GNB1: variants seen among roughly 807,000 people sequenced by gnomAD.
GNB1 encodes the protein guanine nucleotide-binding protein G(I)/G(S)/G(T) subunit beta-1.
In GNB1, 2 loss-of-function variants were observed where a neutral mutation model predicts 42.9. The ratio of observed to expected loss-of-function variants is 0.05; its 90% CI spans 0.02 to 0.15. The LOEUF is 0.15. Ranked by LOEUF, GNB1 falls within the 10% of genes least tolerant of loss-of-function variation. The pLI, the probability that GNB1 is intolerant of heterozygous loss-of-function variation, is 1.00. For synonymous variants in GNB1, 183 were observed against 174.7 expected, an observed-to-expected ratio of 1.05 and a Z score of -0.38; for missense variants, 193 against 462.2, an observed-to-expected ratio of 0.42 and a Z score of 5.34.
At chr1:1,877,360 C>A (rs1649607059) in intron 1 of GNB1, among the ~76,000 whole-genome samples, 1 of 149,646 alleles carries the variant, frequency 6.7e-6, no homozygotes, top group African/African-American at 2.4e-5. Context: ...GACCCCCAAT[C>A]CGAGGAAAAA....
At chr1:1,807,852 C>T (rs970678695) in intron 5 of GNB1, among the ~76,000 whole-genome samples, 1 of 152,056 alleles carries the variant, frequency 6.6e-6, no homozygotes, top group East Asian at 1.9e-4. Flanking sequence ...GGACTACAGG[C>T]GCCCACCATC....
At chr1:1,810,071 A>C (rs1646754108) in intron 5 of GNB1, among the ~76,000 whole-genome samples, 1 of 151,942 alleles carries the variant, frequency 6.6e-6, no homozygotes, top group Non-Finnish European at 1.5e-5. Flanking sequence ...TGTCTCCACA[A>C]AAAAATATAT....
intron 4 of GNB1, among the ~76,000 whole-genome samples, chr1:1,816,722 C>T (rs1236933952): frequency 6.8e-6 from 1 of 146,516 alleles, no homozygotes; most frequent in Non-Finnish European, 1.5e-5. Context: ...GATCTCTGCT[C>T]ACTGCAACCT....
chr1:1,878,825 T>TAA lies in GNB1; in HGVS notation c.-96+11994_-96+11995insTT, dbSNP rs1172338352. The stretch of plus-strand genomic sequence containing the variant: ...AGCCTCCCCTAGCCCCACACTTCTC[T>TAA]CTCCGACTACTTTCCTACAAGACTC... On this transcript the variant is annotated intron_variant, in intron 1 of 11. Transcript: ENST00000378609. Among the ~76,000 whole-genome samples the TAA allele has an allele frequency of 1.5e-4, 23 of 152,188 alleles. 1 individual carries two copies. The highest frequency in any genetic ancestry group is 1.5e-3 in the Admixed American group (23 of 15,260).
chr1:1,842,213 A>G (rs11260618), intron 1 of GNB1, among the ~76,000 whole-genome samples: 40,506 of 151,976 alleles, frequency 0.27, 5,597 homozygotes, highest in African/African-American at 0.32. Context: ...GGCAGATCAC[A>G]AGGTCAGCAG....
chr1:1,816,581 G>A (rs1032854127), intron 4 of GNB1, among the ~76,000 whole-genome samples: 1 of 150,458 alleles, frequency 6.6e-6, no homozygotes, highest in Non-Finnish European at 1.5e-5. Flanking sequence ...ATCTTCAGTA[G>A]AAGTAGGAAT....
At chr1:1,797,445 C>T (rs572792932) in intron 7 of GNB1, among the ~76,000 whole-genome samples, 87 of 147,060 alleles carry the variant, frequency 5.9e-4, no homozygotes, top group African/African-American at 2.1e-3. Context: ...TCCAAAATTC[C>T]TTTTTTTTTT....
At chr1:1,803,017 G>A (rs1050589145) in intron 7 of GNB1, among the ~76,000 whole-genome samples, 4 of 152,154 alleles carry the variant, frequency 2.6e-5, no homozygotes, top group African/African-American at 7.2e-5. Context: ...TTGTAATCTG[G>A]CCAAAATTAA....
chr1:1,875,369 T>C (rs561473544), intron 1 of GNB1, among the ~76,000 whole-genome samples: 23 of 152,050 alleles, frequency 1.5e-4, no homozygotes, highest in Non-Finnish European at 2.9e-4. Context: ...ACTTTTGTGT[T>C]TTTAGCAGAG....
intron 1 of GNB1, among the ~76,000 whole-genome samples, chr1:1,872,234 T>A (rs944221252): frequency 1.6e-4 from 25 of 152,266 alleles, no homozygotes; most frequent in Admixed American, 1.2e-3. Flanking sequence ...TGTCTCAACC[T>A]CCCAAACTGT....
intron 5 of GNB1, among the ~76,000 whole-genome samples, chr1:1,814,811 A>G (rs1570657967): frequency 6.9e-6 from 1 of 144,260 alleles, no homozygotes; most frequent in African/African-American, 2.5e-5. Context: ...AAAAAAAAAA[A>G]AAAAAAAAAG....
At chr1:1,812,021 G>A (rs1490877931) in intron 5 of GNB1, among the ~76,000 whole-genome samples, 2 of 151,572 alleles carry the variant, frequency 1.3e-5, no homozygotes, top group African/African-American at 2.4e-5. Context: ...AGCCGAGATC[G>A]CACCACTGCA....
chr1:1,876,012 A>G (rs1321015548), intron 1 of GNB1, among the ~76,000 whole-genome samples: 1 of 152,142 alleles, frequency 6.6e-6, no homozygotes, highest in East Asian at 1.9e-4. Flanking sequence ...CCCACGTAAA[A>G]CAGAGGTAGA....
At chr1:1,809,138 A>G (rs986330676) in intron 5 of GNB1, among the ~76,000 whole-genome samples, 1 of 151,798 alleles carries the variant, frequency 6.6e-6, no homozygotes, top group Non-Finnish European at 1.5e-5. Flanking sequence ...AAAATTTATC[A>G]CAGAACTAAA....
rs551892727 is a variant in GNB1, at chr1:1,793,575, A to G, written c.431-264T>C. 6 of 319,326 alleles carry G rather than the reference A, an allele frequency of 1.9e-5. No homozygotes were observed. The East Asian group carries it at 2.6e-4, about 14-fold the overall frequency. The allele number at this position is 319,326 out of a possible 1,614,324, so 19.8% of individuals were successfully genotyped here. The stretch of plus-strand genomic sequence containing the variant: ...GGGGGCAGAAGCAGAAACCACACCC[A>G]TGAAACATACACATCTTTCATCTGC... On this transcript the variant is annotated intron_variant, in intron 7 of 11. Coordinates refer to ENST00000378609, the MANE Select transcript of GNB1 (RefSeq NM_002074.5).
At chr1:1,852,744 CCT>C (rs529593225) in intron 1 of GNB1, among the ~76,000 whole-genome samples, 31 of 152,094 alleles carry the variant, frequency 2.0e-4, no homozygotes, top group Middle Eastern at 3.4e-3. Flanking sequence ...GTTCTCAGCC[CCT>C]GAGTGGAGTG....
intron 2 of GNB1, among the ~76,000 whole-genome samples, chr1:1,837,123 AAATTC>A (rs1312017637): frequency 6.6e-6 from 1 of 152,220 alleles, no homozygotes; most frequent in Non-Finnish European, 1.5e-5. Flanking sequence ...AATTTTGAAC[AAATTC>A]AATTTATAAA....
At chr1:1,799,284 A>G (rs542851631) in intron 7 of GNB1, among the ~76,000 whole-genome samples, 41 of 152,304 alleles carry the variant, frequency 2.7e-4, no homozygotes, top group African/African-American at 9.1e-4. Flanking sequence ...ACTCCTTAGA[A>G]GTAAAATTTC....
At chr1:1,803,812 C>G (rs1162391523) in intron 7 of GNB1, among the ~76,000 whole-genome samples, 1 of 151,594 alleles carries the variant, frequency 6.6e-6, no homozygotes, top group Non-Finnish European at 1.5e-5. Flanking sequence ...CAAAACCCCG[C>G]CTCTACTAAA....
Sources: allele counts gnomAD v4.1 joint callset (sites outside exome capture counted in the v4.1 genomes callset), GRCh38; gene constraint gnomAD v4.1.1; transcripts MANE v1.5; gene names NCBI Gene and HGNC (gene_info 2026-07-23, HGNC 2026-07-21).